Variants in CSTPP1 observed in about 807,000 individuals in gnomAD.
CSTPP1 encodes centriolar satellite-associated tubulin polyglutamylase complex regulator 1, also known as UPF0705 protein C11orf49.
At chr11:47,075,594 A>AGGGTTCAAGAATTGGAGGT in the CSTPP1 span, among the ~76,000 whole-genome samples, 1 of 152,178 alleles carries the variant, frequency 6.6e-6, no homozygotes, top group East Asian at 1.9e-4. Context: ...GAGGCCTAAA[A>AGGGTTCAAGAATTGGAGGT]GGGTTCAAGA....
At chr11:46,994,350 T>G in the CSTPP1 span, among the ~76,000 whole-genome samples, 4 of 152,212 alleles carry the variant, frequency 2.6e-5, no homozygotes, top group Admixed American at 1.3e-4. Context: ...ATCCCTGTCT[T>G]GTGCCAGTTT....
chr11:47,027,222 G>A, the CSTPP1 span, among the ~76,000 whole-genome samples: 2 of 152,082 alleles, frequency 1.3e-5, no homozygotes, highest in South Asian at 2.1e-4. Flanking sequence ...TATATCAGCC[G>A]GTAAGAAGCT....
chr11:47,033,761 G>T, the CSTPP1 span, among the ~76,000 whole-genome samples: 1 of 152,170 alleles, frequency 6.6e-6, no homozygotes, highest in African/African-American at 2.4e-5. Context: ...GTTCTATCAG[G>T]ATTCTCTTCC....
At chr11:47,137,957 G>C in the CSTPP1 span, 1 of 585,494 alleles carries the variant, frequency 1.7e-6, no homozygotes, top group East Asian at 2.9e-5. Flanking sequence ...TCTGAAGATA[G>C]AGTTGGAGGG....
chr11:47,150,638 C>T, the CSTPP1 span, among the ~76,000 whole-genome samples: 2 of 151,968 alleles, frequency 1.3e-5, no homozygotes, highest in Non-Finnish European at 1.5e-5. Context: ...TGGAGATATC[C>T]GGTAGGTGAG....
the CSTPP1 span, among the ~76,000 whole-genome samples, chr11:47,024,510 G>T: frequency 3.3e-5 from 5 of 151,986 alleles, no homozygotes; most frequent in East Asian, 9.6e-4. Context: ...AATCACAAAA[G>T]AATATTGAGA....
At chr11:47,052,566 TCTTCCTTC>T in the CSTPP1 span, 1 of 1,562,730 alleles carries the variant, frequency 6.4e-7, no homozygotes, top group Non-Finnish European at 8.7e-7. Flanking sequence ...TTCCTTCCTT[TCTTCCTTC>T]CTTCCTTCCT....
At chr11:47,044,234 G>T in the CSTPP1 span, among the ~76,000 whole-genome samples, 1 of 152,000 alleles carries the variant, frequency 6.6e-6, no homozygotes, top group Non-Finnish European at 1.5e-5. Flanking sequence ...TGACCCACCC[G>T]CCTCGACCTC....
the CSTPP1 span, among the ~76,000 whole-genome samples, chr11:46,976,711 C>T: frequency 6.6e-6 from 1 of 152,054 alleles, no homozygotes; most frequent in African/African-American, 2.4e-5. Context: ...CTTTAAGGCC[C>T]TTATTGTATG....
the CSTPP1 span, among the ~76,000 whole-genome samples, chr11:47,057,564 G>A: frequency 2.0e-5 from 3 of 152,138 alleles, no homozygotes; most frequent in Non-Finnish European, 4.4e-5. Flanking sequence ...TGGGGGCTGT[G>A]GATTCTGAGA....
chr11:46,987,291 G>T, the CSTPP1 span: 87 of 1,613,978 alleles, frequency 5.4e-5, no homozygotes, highest in Non-Finnish European at 1.7e-5. Flanking sequence ...ATATGGAATT[G>T]CCAGGTTCTT....
At chr11:46,964,535 T>G in the CSTPP1 span, among the ~76,000 whole-genome samples, 1 of 152,186 alleles carries the variant, frequency 6.6e-6, no homozygotes, top group African/African-American at 2.4e-5. Flanking sequence ...TCCGCCCGCC[T>G]CGGCCCCCCA....
At chr11:47,119,495 G>A in the CSTPP1 span, among the ~76,000 whole-genome samples, 2 of 151,968 alleles carry the variant, frequency 1.3e-5, no homozygotes, top group African/African-American at 2.4e-5. Context: ...AGATGAACCA[G>A]GTACCTCAGT....
the CSTPP1 span, among the ~76,000 whole-genome samples, chr11:47,122,091 A>AAAAAAAAATATAT: frequency 1.0e-3 from 33 of 31,834 alleles, no homozygotes; most frequent in African/African-American, 1.7e-3. Context: ...AAAAAAAAAA[A>AAAAAAAAATATAT]ATATATATAT....
the CSTPP1 span, among the ~76,000 whole-genome samples, chr11:46,982,804 G>A: frequency 6.6e-6 from 1 of 152,090 alleles, no homozygotes; most frequent in South Asian, 2.1e-4. Flanking sequence ...TTTCAATAAG[G>A]GGGTAAGGGG....
chr11:47,135,268 T>C, the CSTPP1 span, among the ~76,000 whole-genome samples: 2 of 152,212 alleles, frequency 1.3e-5, no homozygotes, highest in South Asian at 2.1e-4. Flanking sequence ...AAGCACTTTA[T>C]AGACATCATC....
the CSTPP1 span, among the ~76,000 whole-genome samples, chr11:46,994,221 A>G: frequency 6.6e-6 from 1 of 152,210 alleles, no homozygotes; most frequent in Non-Finnish European, 1.5e-5. Context: ...TGTCATCTGC[A>G]AAGAGGGACA....
the CSTPP1 span, among the ~76,000 whole-genome samples, chr11:47,009,466 C>T: frequency 6.6e-6 from 1 of 151,996 alleles, no homozygotes; most frequent in African/African-American, 2.4e-5. Context: ...GAGGATAGGG[C>T]CAGTTTGTGG....
the CSTPP1 span, among the ~76,000 whole-genome samples, chr11:46,937,194 C>T: frequency 6.6e-6 from 1 of 152,132 alleles, no homozygotes; most frequent in South Asian, 2.1e-4. Context: ...CCAAATCAGT[C>T]AGCGAACATT....
Sources: allele counts gnomAD v4.1 joint callset (sites outside exome capture counted in the v4.1 genomes callset), GRCh38; gene constraint gnomAD v4.1.1; transcripts MANE v1.5; gene names NCBI Gene and HGNC (gene_info 2026-07-23, HGNC 2026-07-21).